NRXN3: variants seen among roughly 807,000 people sequenced by gnomAD.
NRXN3 encodes neurexin 3.
NRXN3 carries 32 observed loss-of-function variants against 137.6 expected under a neutral mutation model. That is an observed-to-expected ratio of 0.23 (90% CI 0.18 to 0.31). The LOEUF (loss-of-function observed/expected upper bound fraction) is 0.31. Among genes scored for constraint, NRXN3 ranks in the 10% least tolerant of loss-of-function variants. The probability of loss-of-function intolerance (pLI) is 1.00; values close to 1 mark genes in which losing one functional copy is unlikely to be tolerated. For synonymous variants in NRXN3, 798 were observed against 784.5 expected (o/e 1.02, Z -0.29); for missense variants, 1,574 against 2,062.5 (o/e 0.76, Z 4.59).
At chr14:78,583,474 G>A (rs534744393) in intron 4 of NRXN3, among the ~76,000 whole-genome samples, 1 of 150,778 alleles carries the variant, frequency 6.6e-6, no homozygotes, top group East Asian at 1.9e-4. Context: ...CCATTGAAGT[G>A]GAATCTTAGG....
At chr14:79,661,096 T>TA (rs1452029868) in intron 16 of NRXN3, among the ~76,000 whole-genome samples, 1 of 152,060 alleles carries the variant, frequency 6.6e-6, no homozygotes, top group Non-Finnish European at 1.5e-5. Flanking sequence ...GCATGAAAAG[T>TA]ACAAAAAGAA....
chr14:78,607,908 T>C (rs1451894975), intron 4 of NRXN3, among the ~76,000 whole-genome samples: 1 of 152,152 alleles, frequency 6.6e-6, no homozygotes, highest in Non-Finnish European at 1.5e-5. Flanking sequence ...GTAGGAACAT[T>C]TCTAAGTGCT....
chr14:79,087,930 G>GCTTTAACC, intron 15 of NRXN3, among the ~76,000 whole-genome samples: 2 of 152,124 alleles, frequency 1.3e-5, no homozygotes, highest in Non-Finnish European at 2.9e-5. Context: ...CTGCTTGTTT[G>GCTTTAACC]GGAAATAACA....
chr14:79,672,395 A>G (rs940513121), intron 17 of NRXN3, among the ~76,000 whole-genome samples: 2 of 152,094 alleles, frequency 1.3e-5, no homozygotes, highest in African/African-American at 4.8e-5. Flanking sequence ...ATTTCCAACC[A>G]TAATGCATCT....
At chr14:79,374,710 C>CCATG (rs1460519580) in intron 15 of NRXN3, among the ~76,000 whole-genome samples, 1 of 151,972 alleles carries the variant, frequency 6.6e-6, no homozygotes, top group Non-Finnish European at 1.5e-5. Context: ...ACTTGTAAGC[C>CCATG]CATGCTTCAA....
intron 15 of NRXN3, among the ~76,000 whole-genome samples, chr14:79,357,650 C>T (rs1403090864): frequency 3.3e-5 from 5 of 152,248 alleles, no homozygotes; most frequent in South Asian, 4.1e-4. Context: ...CCAATTTTCT[C>T]AGCTTGATAT....
chr14:79,149,729 C>G (rs1175799901), intron 15 of NRXN3, among the ~76,000 whole-genome samples: 2 of 151,994 alleles, frequency 1.3e-5, no homozygotes, highest in African/African-American at 4.8e-5. Flanking sequence ...AGCTGGAAGC[C>G]ATTATCCTCA....
chr14:78,399,585 A>C (rs2153652810), intron 4 of NRXN3, among the ~76,000 whole-genome samples: 1 of 152,212 alleles, frequency 6.6e-6, no homozygotes, highest in East Asian at 1.9e-4. Flanking sequence ...TCTTCTGTTT[A>C]ACCTTTTTAA....
chr14:79,636,306 A>G (rs1291609321), intron 16 of NRXN3, among the ~76,000 whole-genome samples: 1 of 152,220 alleles, frequency 6.6e-6, no homozygotes, highest in African/African-American at 2.4e-5. Context: ...CCCCTAATCA[A>G]CAAATATATT....
At chr14:79,113,361 AGGCTAAGTAAAGCAGT>A (rs1393410026) in intron 15 of NRXN3, among the ~76,000 whole-genome samples, 1 of 152,168 alleles carries the variant, frequency 6.6e-6, no homozygotes, top group Non-Finnish European at 1.5e-5. Context: ...ATGGGAACAA[AGGCTAAGTAAAGCAGT>A]GGCCCATTGC....
intron 10 of NRXN3, among the ~76,000 whole-genome samples, chr14:78,936,168 C>A (rs1410859725): frequency 1.3e-5 from 2 of 152,158 alleles, no homozygotes; most frequent in African/African-American, 4.8e-5. Flanking sequence ...CTCTCCTCCC[C>A]AATGTACACA....
chr14:78,677,821 A>G (rs778591537), intron 6 of NRXN3, among the ~76,000 whole-genome samples: 7 of 152,198 alleles, frequency 4.6e-5, no homozygotes, highest in Admixed American at 1.3e-4. Context: ...TTCAGTAACC[A>G]CTAGCCTGAT....
intron 4 of NRXN3, among the ~76,000 whole-genome samples, chr14:78,503,832 A>C (rs1474060208): frequency 2.0e-5 from 3 of 152,192 alleles, no homozygotes; most frequent in Non-Finnish European, 4.4e-5. Flanking sequence ...TTGTTCCAGC[A>C]TGATAATCAG....
At chr14:79,539,162 G>A (rs1016163202) in intron 16 of NRXN3, among the ~76,000 whole-genome samples, 7 of 152,046 alleles carry the variant, frequency 4.6e-5, no homozygotes, top group African/African-American at 9.7e-5. Context: ...CAGTAATGGT[G>A]CAATTACAGG....
intron 10 of NRXN3, among the ~76,000 whole-genome samples, chr14:78,831,954 A>G (rs1300943229): frequency 6.6e-6 from 1 of 152,120 alleles, no homozygotes; most frequent in Non-Finnish European, 1.5e-5. Context: ...TTGGTGTACA[A>G]GAGTGGGGTA....
At chr14:79,438,207 C>T (rs577393817) in intron 15 of NRXN3, among the ~76,000 whole-genome samples, 36 of 152,276 alleles carry the variant, frequency 2.4e-4, no homozygotes, top group African/African-American at 7.7e-4. Flanking sequence ...TTTCCCTCTG[C>T]GTGGGAGTGC....
At chr14:79,367,582 GAAGA>G (rs2093943432) in intron 15 of NRXN3, among the ~76,000 whole-genome samples, 1 of 152,100 alleles carries the variant, frequency 6.6e-6, no homozygotes, top group Non-Finnish European at 1.5e-5. Flanking sequence ...TGAGAGAAAA[GAAGA>G]AAGAATAAGA....
intron 15 of NRXN3, among the ~76,000 whole-genome samples, chr14:79,254,724 G>T (rs1197634793): frequency 6.6e-6 from 1 of 152,170 alleles, no homozygotes; most frequent in Non-Finnish European, 1.5e-5. Context: ...AGAATGTCTT[G>T]CATTACAGGC....
At chr14:78,328,458 C>CAATTGACAT (rs1320805405) in intron 4 of NRXN3, among the ~76,000 whole-genome samples, 2 of 152,094 alleles carry the variant, frequency 1.3e-5, no homozygotes, top group African/African-American at 4.8e-5. Flanking sequence ...CAATAGAATT[C>CAATTGACAT]AATTGACATA....
Sources: allele counts gnomAD v4.1 joint callset (sites outside exome capture counted in the v4.1 genomes callset), GRCh38; gene constraint gnomAD v4.1.1; transcripts MANE v1.5; gene names NCBI Gene and HGNC (gene_info 2026-07-23, HGNC 2026-07-21).